CLDN14: variants seen among roughly 807,000 people sequenced by gnomAD.
CLDN14 encodes claudin-14.
CLDN14 carries 2 observed loss-of-function variants against 2.1 expected under a neutral mutation model. That is an observed-to-expected ratio of 0.96 (90% CI 0.39 to 3.01). The LOEUF (loss-of-function observed/expected upper bound fraction) is 3.01. CLDN14 is among the 30% of genes most tolerant of loss of function. The pLI, the probability that CLDN14 is intolerant of heterozygous loss-of-function variation, is 0.09. For missense variants in CLDN14, 298 were observed against 328.0 expected (o/e 0.91, Z 0.71); for synonymous variants, 136 against 154.4 (o/e 0.88, Z 0.88).
chr21:36,525,994 C>T (rs1393590489), intron 1 of CLDN14, among the ~76,000 whole-genome samples: 3 of 152,118 alleles, frequency 2.0e-5, no homozygotes, highest in Non-Finnish European at 4.4e-5. Flanking sequence ...TTTCTGTTGG[C>T]GGGTCCAGCC....
chr21:36,573,630 A>G (rs1457806304), intron 1 of CLDN14, among the ~76,000 whole-genome samples: 2 of 152,182 alleles, frequency 1.3e-5, no homozygotes, highest in Non-Finnish European at 2.9e-5. Flanking sequence ...TTTATTTACT[A>G]TCTAATTAGT....
chr21:36,484,123 GC>G (rs1429021699), upstream of CLDN14, among the ~76,000 whole-genome samples: 1 of 152,198 alleles, frequency 6.6e-6, no homozygotes, highest in African/African-American at 2.4e-5. Flanking sequence ...AGAACCGTAG[GC>G]CTTGGGGCCG....
rs1017315281 is a variant in CLDN14 at position 36,499,323 on chromosome 21, C to T, written c.-82+11040G>A. Among the ~76,000 whole-genome samples, 26 of 152,266 alleles carry T rather than the reference C, an allele frequency of 1.7e-4. No homozygotes were observed. Among genetic ancestry groups the T allele is most frequent in the East Asian group, 9.6e-4 (5 of 5,182 alleles). On this transcript the variant is annotated intron_variant, in intron 2 of 2. Transcript: ENST00000342108. This position sits in a 1 kb window ranked among gnomAD's most constrained non-coding sequence, Gnocchi z 4.7. ...GGAGTGCAGTGGTGTGATCTCAGCT[C>T]GCTGCAACCTCTGCCTCCTGGGTTC...
chr21:36,486,889 C>T (rs758617465), intron 2 of CLDN14: 15 of 662,108 alleles, frequency 2.3e-5, no homozygotes, highest in Middle Eastern at 3.0e-4. Context: ...GGACAGGATG[C>T]GGCCGGTGTC....
intron 1 of CLDN14, among the ~76,000 whole-genome samples, chr21:36,539,096 C>T (rs1406519225): frequency 4.6e-5 from 7 of 152,226 alleles, no homozygotes; most frequent in African/African-American, 1.7e-4. Context: ...GTTGTAACCC[C>T]CGCCAATTTA....
chr21:36,529,671 C>T (rs1444390659), intron 1 of CLDN14, among the ~76,000 whole-genome samples: 1 of 152,182 alleles, frequency 6.6e-6, no homozygotes, highest in Non-Finnish European at 1.5e-5. Flanking sequence ...GGAAATTTTT[C>T]TGTAATAATT....
At chr21:36,474,095 C>A (rs2086745119) in intron 1 of CLDN14, among the ~76,000 whole-genome samples, 2 of 152,112 alleles carry the variant, frequency 1.3e-5, no homozygotes, top group African/African-American at 4.8e-5. Flanking sequence ...AACTTGGACC[C>A]TCCAGGGGAA....
Position 36,522,821 on chromosome 21 carries a change from G to A in CLDN14, c.-219-12321C>T, listed in dbSNP as rs574345857. Among the ~76,000 whole-genome samples the A allele has an allele frequency of 3.9e-5, 6 of 151,912 alleles. No homozygotes were observed. The South Asian group carries it at 1.0e-3, about 26-fold the overall frequency. ...TCTTCCCATTCCATTTTAATTATCC[G>A]CTGGGTCTCGGTGACTAAGTCATGA... On this transcript the variant is annotated intron_variant, in intron 1 of 2. Coordinates refer to the CLDN14 transcript ENST00000342108.
chr21:36,496,010 C>A (rs939817112), intron 2 of CLDN14, among the ~76,000 whole-genome samples: 3 of 152,132 alleles, frequency 2.0e-5, no homozygotes, highest in African/African-American at 7.2e-5. Context: ...ACAGCATGGT[C>A]CTCTTGGCAC....
chr21:36,491,672 A>AG (rs1439011950), intron 2 of CLDN14, among the ~76,000 whole-genome samples: 1 of 152,154 alleles, frequency 6.6e-6, no homozygotes, highest in Non-Finnish European at 1.5e-5. Context: ...GATCTGGAGA[A>AG]GGGTGGGGCT....
chr21:36,516,877 G>A lies in CLDN14; in HGVS notation c.-219-6377C>T, dbSNP rs2087232394. Among the ~76,000 whole-genome samples the A allele has an allele frequency of 2.0e-5, 3 of 152,154 alleles. No homozygotes were observed. In the South Asian group the frequency reaches 6.2e-4, roughly 32 times the overall value. On this transcript the variant is annotated intron_variant, in intron 1 of 2. Transcript: ENST00000342108. ...CCTTTTTGAGATGGAGTCTCACTCT[G>A]TCACCCAGGCTGGCTTGCAGTGGTG...
intron 2 of CLDN14, among the ~76,000 whole-genome samples, chr21:36,493,501 C>T (rs1046410485): frequency 6.6e-6 from 1 of 152,128 alleles, no homozygotes; most frequent in African/African-American, 2.4e-5. Context: ...CCTGGGCCTG[C>T]AGGTCTGATC....
At chr21:36,489,131 A>AAAAAAAAAATATATATATATAT in intron 2 of CLDN14, among the ~76,000 whole-genome samples, 5 of 62,740 alleles carry the variant, frequency 8.0e-5, no homozygotes, top group Admixed American at 2.7e-4. Flanking sequence ...AAAAAAAAAA[A>AAAAAAAAAATATATATATATAT]ATATATATAT....
intron 1 of CLDN14, among the ~76,000 whole-genome samples, chr21:36,553,450 C>T (rs542201290): frequency 1.1e-4 from 17 of 152,202 alleles, no homozygotes; most frequent in Non-Finnish European, 1.8e-4. Context: ...ATACGCCTTC[C>T]GGTGACTGTC....
intron 1 of CLDN14, among the ~76,000 whole-genome samples, chr21:36,471,159 G>A (rs534016017): frequency 2.6e-5 from 4 of 152,266 alleles, no homozygotes; most frequent in Admixed American, 6.5e-5. Context: ...CATGATTCCA[G>A]GAGTTCGAGG....
At chr21:36,532,951 T>G (rs1390500199) in intron 1 of CLDN14, among the ~76,000 whole-genome samples, 2 of 152,172 alleles carry the variant, frequency 1.3e-5, no homozygotes, top group African/African-American at 4.8e-5. Flanking sequence ...TCATGGGCTA[T>G]CTAACCCTTT....
intron 2 of CLDN14, among the ~76,000 whole-genome samples, chr21:36,491,633 T>C (rs2086965696): frequency 6.6e-6 from 1 of 152,132 alleles, no homozygotes; most frequent in Admixed American, 6.5e-5. Context: ...CAAGGAGGGG[T>C]ATAAGCAAAT....
intron 1 of CLDN14, among the ~76,000 whole-genome samples, chr21:36,570,498 C>T (rs2087702009): frequency 3.3e-5 from 5 of 152,242 alleles, no homozygotes; most frequent in African/African-American, 4.8e-5. Context: ...CTTAAACTTT[C>T]GTTTTTGGTT....
chr21:36,522,621 A>T (rs1218206525), intron 1 of CLDN14, among the ~76,000 whole-genome samples: 2 of 152,272 alleles, frequency 1.3e-5, no homozygotes, highest in African/African-American at 4.8e-5. Flanking sequence ...TGCGCGGGGG[A>T]GGTAACCGGA....
Sources: allele counts gnomAD v4.1 joint callset (sites outside exome capture counted in the v4.1 genomes callset), GRCh38; gene constraint gnomAD v4.1.1; non-coding constraint Gnocchi (gnomAD v3.1); transcripts MANE v1.5; gene names NCBI Gene and HGNC (gene_info 2026-07-23, HGNC 2026-07-21).